The following GLB1L2 variants were observed in gnomAD, a reference collection of about 807,000 sequenced individuals.
GLB1L2 encodes the protein beta-galactosidase-1-like protein 2.
In GLB1L2, 68 loss-of-function variants were observed where a neutral mutation model predicts 84.1. That is an observed-to-expected ratio of 0.81 (90% CI 0.67 to 0.99). The LOEUF (loss-of-function observed/expected upper bound fraction) is 0.99. Among genes scored for constraint, GLB1L2 ranks in the 50% least tolerant of loss-of-function variants. The probability of loss-of-function intolerance (pLI) is 0.00; values close to 1 mark genes in which losing one functional copy is unlikely to be tolerated. For synonymous variants in GLB1L2, 290 were observed against 318.0 expected (o/e 0.91, Z 0.94); for missense variants, 762 against 805.6 (o/e 0.95, Z 0.66).
In GLB1L2 at chr11:134,356,322, A is replaced by C; in HGVS notation, c.580A>C (p.Ile194Leu). 1 of 1,614,078 alleles carries C rather than the reference A, an allele frequency of 6.2e-7. No homozygotes were observed. The change falls in exon 6 of 19, where the codon ATT (isoleucine) becomes CTT (leucine). Residue 194 changes from isoleucine to leucine, a missense_variant. Coordinates refer to ENST00000535456, the MANE Select transcript of GLB1L2 (RefSeq NM_001370461.1). ...GCAGTACAAGCGTGGGGGACCTATC[A>C]TTGCCGTGCAGGTGGAGAATGAATA... The part of the protein sequence containing the change: ...PLQYKRGGPI[I>L]AVQVENEYGS...
intron 1 of GLB1L2, among the ~76,000 whole-genome samples, chr11:134,336,145 G>T (rs1331550368): frequency 6.6e-6 from 1 of 152,214 alleles, no homozygotes; most frequent in East Asian, 1.9e-4. Context: ...GAGACTCCTT[G>T]TTGATACTCA....
Position 134,374,997 on chromosome 11 carries a change from CG to C in GLB1L2, c.1853del (p.Gly618AlafsTer39), listed in dbSNP as rs749028865. On this transcript the variant is annotated frameshift_variant, in exon 19 of 19. Transcript: ENST00000535456. LOFTEE classifies it high-confidence loss of function. ...GTCATCGTTTTTGAGGAGACGATGG[CG>C]GGCCCTGCATTACAGTTCACGGAAA... Reference protein sequence around the residue: ...NQVIVFEETMAGPALQFTETP... With the variant: ...NQVIVFEETMXGPALQFTETP... 3 of 1,613,708 alleles carry C rather than the reference CG, an allele frequency of 1.9e-6. No individual in the cohort carries two copies. Among genetic ancestry groups the C allele is most frequent in the Non-Finnish European group, 1.7e-6 (2 of 1,179,882 alleles).
intron 7 of GLB1L2, among the ~76,000 whole-genome samples, chr11:134,363,840 A>G (rs1214312608): frequency 6.6e-6 from 1 of 152,192 alleles, no homozygotes; most frequent in Non-Finnish European, 1.5e-5. Context: ...AGTCTCCAAG[A>G]CAACAAGATA....
chr11:134,373,938 G>A, intron 16 of GLB1L2, 130 bp downstream of exon 16: 1 of 790,474 alleles, frequency 1.3e-6, no homozygotes, highest in Non-Finnish European at 2.1e-6. Context: ...CAGATCGGCT[G>A]GCCGAGGTGA....
At chr11:134,362,789 G>A (rs926274618) in intron 7 of GLB1L2, among the ~76,000 whole-genome samples, 1 of 152,196 alleles carries the variant, frequency 6.6e-6, no homozygotes, top group Non-Finnish European at 1.5e-5. Context: ...GTGGGAATGA[G>A]GATGAAGGCT....
intron 6 of GLB1L2, among the ~76,000 whole-genome samples, chr11:134,358,016 C>G (rs1258568753): frequency 6.6e-6 from 1 of 152,180 alleles, no homozygotes; most frequent in African/African-American, 2.4e-5. Flanking sequence ...CACCTGGGCT[C>G]ATGGATTGAA....
At chr11:134,341,634 G>A (rs1270843384) in intron 1 of GLB1L2, among the ~76,000 whole-genome samples, 4 of 152,196 alleles carry the variant, frequency 2.6e-5, no homozygotes, top group Non-Finnish European at 4.4e-5. Flanking sequence ...CTGGAGCTTC[G>A]GTGTGAGTTC....
rs1239587703 is a variant in GLB1L2, at chr11:134,338,638, G to A, written c.87-4116G>A. Among the ~76,000 whole-genome samples the A allele has an allele frequency of 1.3e-5, 2 of 152,120 alleles. No individual in the cohort carries two copies. The highest frequency in any genetic ancestry group is 2.9e-5 in the Non-Finnish European group (2 of 68,028). The stretch of plus-strand genomic sequence containing the variant: ...CCACCTCCCCCTGCTTCCTCACCAC[G>A]GGGCACAGCAGAACTTGGTACCTAT... On this transcript the variant is annotated intron_variant, in intron 1 of 18. Transcript: ENST00000535456. The surrounding 1 kb of genome is among the most constrained non-coding windows in gnomAD (Gnocchi z 6.2).
At chr11:134,361,597 T>TC (rs1469296587) in intron 7 of GLB1L2, 2 of 152,376 alleles carry the variant, frequency 1.3e-5, no homozygotes, top group Non-Finnish European at 2.9e-5. Context: ...TCCCCTCAAC[T>TC]CCCCTGGTGC....
At position 134,367,479 on chromosome 11, in the gene GLB1L2, A is replaced by C. The variant is rs149911337; in HGVS notation, c.889+138A>C. ...ATCTGTGTGCAGAAGTTGGCTTTGGATATTCCTGAGTCATTTGTCTTGACA... is the reference window on the plus strand; with the variant it reads ...ATCTGTGTGCAGAAGTTGGCTTTGGCTATTCCTGAGTCATTTGTCTTGACA... On this transcript the variant is annotated intron_variant, in intron 9 of 18. Transcript: ENST00000535456. 1.2e-3 allele frequency: 769 copies of C among 662,342 alleles called. 3 individuals carry two copies. The African/African-American group carries it at 0.013, about 11-fold the overall frequency. 41.0% of individuals were successfully genotyped at this position (662,342 alleles called of 1,614,324 possible). A position where few individuals can be genotyped will look rare whatever the true frequency, so the allele number is the denominator to read the frequency against.
intron 5 of GLB1L2, among the ~76,000 whole-genome samples, chr11:134,352,147 A>G (rs546212407): frequency 6.6e-6 from 1 of 152,208 alleles, no homozygotes; most frequent in South Asian, 2.1e-4. Flanking sequence ...TTCAGATTTT[A>G]TATTTCTTCA....
chr11:134,343,820 C>T (rs999760874), intron 2 of GLB1L2, among the ~76,000 whole-genome samples: 14 of 152,228 alleles, frequency 9.2e-5, no homozygotes, highest in Non-Finnish European at 1.6e-4. Context: ...CCTCCTTCAT[C>T]TGAGAATATT....
intron 5 of GLB1L2, among the ~76,000 whole-genome samples, chr11:134,355,587 C>T (rs1172381578): frequency 6.6e-6 from 1 of 152,202 alleles, no homozygotes; most frequent in Non-Finnish European, 1.5e-5. Flanking sequence ...TCCCTACCTC[C>T]CCTCCCTGGT....
chr11:134,369,726 C>T (rs1943920244), intron 10 of GLB1L2, 79 bp from the exon 11 acceptor site: 1 of 1,315,598 alleles, frequency 7.6e-7, no homozygotes. Flanking sequence ...GTGGCCCTTC[C>T]AAGCTTCTCC....
rs552604233 is a variant in GLB1L2 at position 134,373,408 on chromosome 11, T to C, written c.1508-313T>C. 2.6e-3 allele frequency among the ~76,000 whole-genome samples: 402 copies of C among 152,312 alleles called. 4 individuals are homozygous for C. The highest frequency in any genetic ancestry group is 2.9e-3 in the Non-Finnish European group (197 of 68,020). ...TGCAGCTAGGCCAGAACCCTCTCGG[T>C]CATCTGGAACTTCCTTCAGAGAGAG... On this transcript the variant is annotated intron_variant, in intron 15 of 18. Coordinates refer to ENST00000535456, the MANE Select transcript of GLB1L2 (RefSeq NM_001370461.1).
chr11:134,369,382 TG>T (rs377038086), intron 10 of GLB1L2, among the ~76,000 whole-genome samples: 43 of 152,234 alleles, frequency 2.8e-4, no homozygotes, highest in African/African-American at 8.9e-4. Flanking sequence ...TTTGTAGAGG[TG>T]GGGGTCTCGC....
In GLB1L2 at chr11:134,348,491, C is replaced by T. The variant is rs534281021; in HGVS notation, c.558+1058C>T. Among the ~76,000 whole-genome samples the T allele has an allele frequency of 5.1e-4, 78 of 152,210 alleles. 1 individual carries two copies. The highest frequency in any genetic ancestry group is 8.8e-4 in the Non-Finnish European group (60 of 68,016). ...GAGCAGGCTCAGAGGCACTTGCAGA[C>T]GTGCAGCGGGTCACCAATGCATCTT... On this transcript the variant is annotated intron_variant, in intron 5 of 18. Transcript: ENST00000535456.
Position 134,375,705 on chromosome 11 carries a change from C to G in GLB1L2, c.*647C>G, listed in dbSNP as rs1944016710. 1 of 152,490 alleles carries G rather than the reference C, an allele frequency of 6.6e-6. No individual in the cohort carries two copies. The highest frequency in any genetic ancestry group is 2.1e-4 in the South Asian group (1 of 4,840). The allele number at this position is 152,490 out of a possible 1,614,324, so 9.4% of individuals were successfully genotyped here. On this transcript the variant is annotated 3_prime_UTR_variant, in exon 19 of 19. Coordinates refer to ENST00000535456, the MANE Select transcript of GLB1L2 (RefSeq NM_001370461.1). ...CAGAAATCCTCACCCTGCGTCTTCCCAAGTTAGCAGGTGTCTCTGGTGTTC... is the reference window on the plus strand; with the variant it reads ...CAGAAATCCTCACCCTGCGTCTTCCGAAGTTAGCAGGTGTCTCTGGTGTTC...
chr11:134,364,489 G>T, intron 8 of GLB1L2, 91 bp downstream of exon 8: 1 of 1,042,524 alleles, frequency 9.6e-7, no homozygotes. Flanking sequence ...CTTCCCCAGC[G>T]CAGGGAGCTG....
Sources: allele counts gnomAD v4.1 joint callset (sites outside exome capture counted in the v4.1 genomes callset), GRCh38; gene constraint gnomAD v4.1.1; non-coding constraint Gnocchi (gnomAD v3.1); transcripts MANE v1.5; gene names NCBI Gene and HGNC (gene_info 2026-07-23, HGNC 2026-07-21).